Variants in ATP10A observed in about 807,000 individuals in gnomAD.
ATP10A encodes ATPase phospholipid transporting 10A (putative), also known as phospholipid-transporting ATPase VA.
A neutral mutation model predicts 147.8 loss-of-function variants in ATP10A; 111 were observed. The observed-to-expected ratio is 0.75, with a 90% CI of 0.64 to 0.88. The LOEUF is 0.88. Ranked by LOEUF, ATP10A falls within the 40% of genes least tolerant of loss-of-function variation. ATP10A has a pLI of 0.00. For synonymous variants in ATP10A, 875 were observed against 841.6 expected (o/e 1.04, Z -0.69); for missense variants, 1,927 against 1,959.0 (o/e 0.98, Z 0.31).
intron 1 of ATP10A, among the ~76,000 whole-genome samples, chr15:25,822,157 A>C (rs11635405): frequency 0.35 from 52,690 of 151,984 alleles, 10,424 homozygotes; most frequent in African/African-American, 0.54. Context: ...GAATGACGAC[A>C]AGAAAAAAAG....
chr15:25,769,403 T>C (rs1426103502), intron 2 of ATP10A, among the ~76,000 whole-genome samples: 2 of 147,430 alleles, frequency 1.4e-5, no homozygotes, highest in African/African-American at 2.5e-5. Flanking sequence ...AGAGAATTGC[T>C]TGAACCTGGG....
intron 2 of ATP10A, among the ~76,000 whole-genome samples, chr15:25,758,872 C>G (rs887248613): frequency 2.9e-5 from 4 of 139,970 alleles, no homozygotes; most frequent in Admixed American, 2.8e-4. Flanking sequence ...CTCATTCCGA[C>G]CACCTGCTCC....
In ATP10A at chr15:25,681,663, C is replaced by A. The variant is rs1324859721; in HGVS notation, c.3493-589G>T. 2.0e-5 allele frequency among the ~76,000 whole-genome samples: 3 copies of A among 152,280 alleles called. No individual in the cohort carries two copies. The East Asian group carries it at 5.8e-4, about 29-fold the overall frequency. ...GAGGCCCCAGAGGCCCGATGAAAAGCACTACCAAACACCTACAAAACTATC... is the reference window on the plus strand; with the variant it reads ...GAGGCCCCAGAGGCCCGATGAAAAGAACTACCAAACACCTACAAAACTATC... On this transcript the variant is annotated intron_variant, in intron 17 of 20. Coordinates refer to ENST00000555815, the MANE Select transcript of ATP10A (RefSeq NM_024490.4).
chr15:25,844,977 T>C (rs1257611051), intron 1 of ATP10A, among the ~76,000 whole-genome samples: 2 of 152,194 alleles, frequency 1.3e-5, no homozygotes, highest in East Asian at 1.9e-4. Context: ...ACAAGGGCCA[T>C]AGCAAAGGGA....
At chr15:25,800,225 A>G (rs1890873691) in intron 1 of ATP10A, among the ~76,000 whole-genome samples, 1 of 152,220 alleles carries the variant, frequency 6.6e-6, no homozygotes, top group Non-Finnish European at 1.5e-5. Context: ...TTTAAAATAA[A>G]GACAGAATCG....
intron 1 of ATP10A, among the ~76,000 whole-genome samples, chr15:25,840,173 T>C (rs186659738): frequency 9.0e-4 from 137 of 152,312 alleles, no homozygotes; most frequent in Admixed American, 1.5e-3. Flanking sequence ...TAGGTTTTCC[T>C]AACTTTTATT....
chr15:25,725,861 G>T, intron 5 of ATP10A, 90 bp downstream of exon 5: 1 of 1,417,432 alleles, frequency 7.1e-7, no homozygotes, highest in Non-Finnish European at 9.4e-7. Flanking sequence ...CAAGTGATCT[G>T]CCCGCCTCGG....
At chr15:25,758,560 A>T (rs868030717) in intron 2 of ATP10A, among the ~76,000 whole-genome samples, 3 of 47,166 alleles carry the variant, frequency 6.4e-5, no homozygotes, top group African/African-American at 4.2e-4. Context: ...GCTCCACCCT[A>T]ACTCATTCCG....
At chr15:25,808,789 T>G (rs1274052911) in intron 1 of ATP10A, among the ~76,000 whole-genome samples, 1 of 152,204 alleles carries the variant, frequency 6.6e-6, no homozygotes, top group Non-Finnish European at 1.5e-5. Flanking sequence ...TTTGTGCCAG[T>G]ATACCAACTT....
At chr15:25,833,808 T>C (rs1892471198) in intron 1 of ATP10A, among the ~76,000 whole-genome samples, 1 of 152,040 alleles carries the variant, frequency 6.6e-6, no homozygotes, top group African/African-American at 2.4e-5. Flanking sequence ...CCATCTCTAC[T>C]AAAAATACAA....
At chr15:25,802,107 A>G (rs1303972170) in intron 1 of ATP10A, among the ~76,000 whole-genome samples, 1 of 151,660 alleles carries the variant, frequency 6.6e-6, no homozygotes, top group Admixed American at 6.6e-5. Context: ...ACTCGGTAAA[A>G]TGTTGCTTTT....
intron 13 of ATP10A, among the ~76,000 whole-genome samples, chr15:25,696,817 G>A (rs990421032): frequency 2.6e-5 from 4 of 152,162 alleles, no homozygotes; most frequent in Admixed American, 6.5e-5. Flanking sequence ...ATTCTTTTTC[G>A]TCTATTATTT....
chr15:25,752,865 G>A (rs564570159), intron 2 of ATP10A, among the ~76,000 whole-genome samples: 41 of 152,098 alleles, frequency 2.7e-4, no homozygotes, highest in South Asian at 8.3e-4. Flanking sequence ...TTCAGTATAT[G>A]TGTCTTTCAC....
intron 10 of ATP10A, among the ~76,000 whole-genome samples, chr15:25,712,736 A>T (rs1333958921): frequency 6.6e-6 from 1 of 152,034 alleles, no homozygotes; most frequent in Non-Finnish European, 1.5e-5. Context: ...GGTGGTCATC[A>T]TCATGGAAGG....
At chr15:25,777,288 C>T (rs1889662693) in intron 2 of ATP10A, among the ~76,000 whole-genome samples, 1 of 152,208 alleles carries the variant, frequency 6.6e-6, no homozygotes, top group African/African-American at 2.4e-5. Context: ...GGCTCCACGG[C>T]GCTGCTGTCT....
rs1330940816 is a variant in ATP10A, at chr15:25,713,908, C to T, written c.2110G>A (p.Val704Met). ...CAGTTGTAGGCTCTGGCCGCATACA[C>T]CAGTGCGGCCTCATCCGGGCTCTCC... ...EAESPDEAAL[V>M]YAARAYNCVL... Residue 704 changes from valine (V) to methionine (M), a missense_variant, in exon 10 of 21, where the codon GTG (valine) becomes ATG (methionine). Physicochemically the swap from Val to Met is conservative, Grantham distance 21. Coordinates refer to ENST00000555815, the MANE Select transcript of ATP10A (RefSeq NM_024490.4). 3 of 1,613,140 alleles carry T rather than the reference C, an allele frequency of 1.9e-6. No homozygotes were observed. The highest frequency in any genetic ancestry group is 2.7e-5 in the African/African-American group (2 of 74,962).
chr15:25,761,568 G>C (rs1888759166), intron 2 of ATP10A, among the ~76,000 whole-genome samples: 1 of 152,252 alleles, frequency 6.6e-6, no homozygotes. Flanking sequence ...AGCTATCCAA[G>C]GCCATGGCAG....
intron 5 of ATP10A, 38 bp from the exon 6 acceptor site, chr15:25,724,059 T>C (rs758090809): frequency 1.1e-5 from 16 of 1,464,482 alleles, no homozygotes; most frequent in Non-Finnish European, 1.5e-5. Context: ...ATTCATCCAA[T>C]GGAAAAATAA....
At position 25,862,887 on chromosome 15, in the gene ATP10A, C is replaced by T. The variant is rs1434496656; in HGVS notation, c.210G>A (p.Thr70=). Residue 70 remains threonine (T), a synonymous_variant, in exon 1 of 21, where the codon ACG becomes ACA. Coordinates refer to ENST00000555815, the MANE Select transcript of ATP10A (RefSeq NM_024490.4). ...ADNRLKTTKY[T]LLSFLPKNLF... The stretch of plus-strand genomic sequence containing the variant: ...GGTTCTTGGGCAGGAAGGACAGCAG[C>T]GTGTACTTGGTAGTCTTGAGCCGGT... 6.2e-7 allele frequency: 1 copy of T among 1,612,008 alleles called. No homozygotes were observed. The highest frequency in any genetic ancestry group is 8.5e-7 in the Non-Finnish European group (1 of 1,179,326).
Sources: allele counts gnomAD v4.1 joint callset (sites outside exome capture counted in the v4.1 genomes callset), GRCh38; gene constraint gnomAD v4.1.1; transcripts MANE v1.5; gene names NCBI Gene and HGNC (gene_info 2026-07-23, HGNC 2026-07-21).